Variants in SPATA6 observed in about 807,000 individuals in gnomAD.
The protein encoded by SPATA6 is spermatogenesis associated 6, also known as spermatogenesis-associated protein 6.
In SPATA6, 56 loss-of-function variants were observed where a neutral mutation model predicts 65.3. That is an observed-to-expected ratio of 0.86 (90% CI 0.69 to 1.07). SPATA6 has a LOEUF of 1.07. Ranked by LOEUF, SPATA6 falls within the 50% of genes least tolerant of loss-of-function variation. The pLI is 0.00. For missense variants in SPATA6, 590 were observed against 594.8 expected (o/e 0.99, Z 0.08); for synonymous variants, 199 against 213.2 (o/e 0.93, Z 0.58).
rs1406395120 is a variant in SPATA6 at position 48,455,333 on chromosome 1, T to C, written c.52-2202A>G. On this transcript the variant is annotated intron_variant, in intron 1 of 12. Transcript: ENST00000371847. ...TTGCATGTTGAAAGGATATTTTGAA[T>C]ACATTGATTTAAATAAAACATATTA... Among the ~76,000 whole-genome samples the C allele has an allele frequency of 2.0e-5, 3 of 152,128 alleles. 1 individual carries two copies. Among genetic ancestry groups the C allele is most frequent in the South Asian group, 4.1e-4 (2 of 4,832 alleles).
intron 11 of SPATA6, among the ~76,000 whole-genome samples, chr1:48,333,930 A>C (rs1040297051): frequency 6.6e-6 from 1 of 152,226 alleles, no homozygotes; most frequent in Non-Finnish European, 1.5e-5. Context: ...TAAACACTAT[A>C]ATAAATGACA....
intron 6 of SPATA6, 63 bp from the exon 7 acceptor site, chr1:48,399,707 G>A (rs1650979315): frequency 7.0e-7 from 1 of 1,418,904 alleles, no homozygotes; most frequent in Admixed American, 2.5e-5. Flanking sequence ...TGTTGGTGGG[G>A]AAAAAATTAA....
At chr1:48,359,123 G>C (rs1364333674) in intron 10 of SPATA6, among the ~76,000 whole-genome samples, 1 of 152,130 alleles carries the variant, frequency 6.6e-6, no homozygotes, top group South Asian at 2.1e-4. Context: ...TTTTTAAAGG[G>C]AGAGCTGGAA....
chr1:48,369,108 A>G (rs1037604260), intron 9 of SPATA6, among the ~76,000 whole-genome samples: 1 of 151,930 alleles, frequency 6.6e-6, no homozygotes, highest in South Asian at 2.1e-4. Context: ...AGAACAGCGG[A>G]TTTTCGTGAA....
intron 3 of SPATA6, among the ~76,000 whole-genome samples, chr1:48,445,416 C>T (rs753163411): frequency 4.9e-4 from 75 of 152,098 alleles, no homozygotes; most frequent in Non-Finnish European, 8.7e-4. Context: ...GTAATCCCAG[C>T]ACTTTGGGAG....
intron 11 of SPATA6, among the ~76,000 whole-genome samples, chr1:48,348,512 A>C (rs137916293): frequency 6.6e-6 from 1 of 151,882 alleles, no homozygotes; most frequent in African/African-American, 2.4e-5. Flanking sequence ...CACCTTTTTC[A>C]AGCAAATCTT....
intron 11 of SPATA6, among the ~76,000 whole-genome samples, chr1:48,332,226 A>G (rs1645936315): frequency 6.6e-6 from 1 of 152,194 alleles, no homozygotes; most frequent in Non-Finnish European, 1.5e-5. Context: ...AAATCCATAC[A>G]TATCAATAAG....
At chr1:48,265,549 T>C in the SPATA6 span, among the ~76,000 whole-genome samples, 6 of 152,104 alleles carry the variant, frequency 3.9e-5, no homozygotes, top group Non-Finnish European at 7.4e-5. Context: ...ATCCAGATGG[T>C]GAAGAGGCTA....
chr1:48,368,718 A>G (rs1334693754), intron 9 of SPATA6, among the ~76,000 whole-genome samples: 1 of 152,088 alleles, frequency 6.6e-6, no homozygotes, highest in Non-Finnish European at 1.5e-5. Context: ...CAAAGTTGTT[A>G]ACTTCTTTGC....
At chr1:48,394,744 T>C (rs1557659258) in intron 8 of SPATA6, among the ~76,000 whole-genome samples, 1 of 152,136 alleles carries the variant, frequency 6.6e-6, no homozygotes, top group Admixed American at 6.6e-5. Flanking sequence ...TGCTAGGGAA[T>C]ACTTGTTGAA....
rs1188756375 is a variant in SPATA6, at chr1:48,325,221, G to T, written c.1195-19343C>A. On this transcript the variant is annotated intron_variant, in intron 11 of 12. Transcript: ENST00000371847. ...GTGTTCACTGCTGCTGGCACAATGGGAGTCAAGTCCACAACAGGGGCAAGG... is the reference window on the plus strand; with the variant it reads ...GTGTTCACTGCTGCTGGCACAATGGTAGTCAAGTCCACAACAGGGGCAAGG... 9 of 723,368 alleles carry T rather than the reference G, an allele frequency of 1.2e-5. No homozygotes were observed. In the Admixed American group the frequency reaches 1.5e-4, roughly 12 times the overall value. The allele number at this position is 723,368 out of a possible 1,614,324, so 44.8% of individuals were successfully genotyped here.
chr1:48,271,477 G>A, the SPATA6 span, among the ~76,000 whole-genome samples: 1 of 152,080 alleles, frequency 6.6e-6, no homozygotes, highest in African/African-American at 2.4e-5. Context: ...TGCAAGTACA[G>A]GTAGACTTGC....
chr1:48,316,224 A>C (rs1485912511), intron 11 of SPATA6, among the ~76,000 whole-genome samples: 1 of 152,222 alleles, frequency 6.6e-6, no homozygotes, highest in Non-Finnish European at 1.5e-5. Context: ...CGCATTACCA[A>C]GTCAATTCTA....
At position 48,316,334 on chromosome 1, in the gene SPATA6, G is replaced by C. The variant is rs376533887; in HGVS notation, c.1195-10456C>G. ...AGCATGGTACTGGTACCAAAACAGA[G>C]ATATAGACCAATGGAACAGAACAGA... is the stretch of plus-strand genomic sequence containing the variant. On this transcript the variant is annotated intron_variant, in intron 11 of 12. Coordinates refer to ENST00000371847, the MANE Select transcript of SPATA6 (RefSeq NM_019073.4). Among the ~76,000 whole-genome samples, 21 of 152,210 alleles carry C rather than the reference G, an allele frequency of 1.4e-4. No individual in the cohort carries two copies. The East Asian group carries it at 3.9e-3, about 28-fold the overall frequency.
At chr1:48,429,689 A>G (rs1447877691) in intron 3 of SPATA6, among the ~76,000 whole-genome samples, 1 of 152,168 alleles carries the variant, frequency 6.6e-6, no homozygotes, top group Non-Finnish European at 1.5e-5. Flanking sequence ...TACACTAGAA[A>G]AAGACTTTAA....
chr1:48,438,875 C>A (rs1449380095), intron 3 of SPATA6, among the ~76,000 whole-genome samples: 1 of 152,134 alleles, frequency 6.6e-6, no homozygotes, highest in East Asian at 1.9e-4. Flanking sequence ...TTGCCCAAAG[C>A]CCCATCAGGT....
At chr1:48,388,445 A>G (rs751894786) in intron 8 of SPATA6, among the ~76,000 whole-genome samples, 1 of 152,218 alleles carries the variant, frequency 6.6e-6, no homozygotes, top group Non-Finnish European at 1.5e-5. Context: ...GCAAGAAAAT[A>G]TGACACCTCC....
At chr1:48,435,690 A>G (rs971877179) in intron 3 of SPATA6, among the ~76,000 whole-genome samples, 6 of 152,156 alleles carry the variant, frequency 3.9e-5, no homozygotes, top group Non-Finnish European at 7.4e-5. Flanking sequence ...AGCACTCTGT[A>G]AAAACGCACC....
chr1:48,299,516 G>GGAAAAA (rs761355984), intron 12 of SPATA6, among the ~76,000 whole-genome samples: 19 of 38,188 alleles, frequency 5.0e-4, no homozygotes, highest in African/African-American at 1.3e-3. Context: ...CTCCGTCTCG[G>GGAAAAA]AAAAAAAAAA....
Sources: allele counts gnomAD v4.1 joint callset (sites outside exome capture counted in the v4.1 genomes callset), GRCh38; gene constraint gnomAD v4.1.1; transcripts MANE v1.5; gene names NCBI Gene and HGNC (gene_info 2026-07-23, HGNC 2026-07-21).